SI: variants seen among roughly 807,000 people sequenced by gnomAD.
SI encodes the protein sucrase-isomaltase, intestinal.
A neutral mutation model predicts 253.3 loss-of-function variants in SI; 235 were observed. The ratio of observed to expected loss-of-function variants is 0.93; its 90% confidence interval spans 0.83 to 1.03. SI has a LOEUF of 1.03. Among genes scored for constraint, SI ranks in the 50% least tolerant of loss-of-function variants. The pLI, the probability that SI is intolerant of heterozygous loss-of-function variation, is 0.00. For synonymous variants in SI, 819 were observed against 712.0 expected (o/e 1.15, Z -2.39); for missense variants, 2,442 against 2,211.1 (o/e 1.10, Z -2.09).
At chr3:165,086,151 G>T in the SI span, among the ~76,000 whole-genome samples, 1 of 152,106 alleles carries the variant, frequency 6.6e-6, no homozygotes, top group African/African-American at 2.4e-5. Flanking sequence ...CTACTTGGGA[G>T]GCTGAGGCAG....
chr3:165,074,740 G>A, intron 2 of SI, 73 bp from the exon 3 acceptor site: 2 of 1,284,648 alleles, frequency 1.6e-6, no homozygotes, highest in Non-Finnish European at 2.2e-6. Context: ...CAAGTAATAA[G>A]TACTTTTTGA....
rs1318519933 is a variant in SI, at chr3:165,009,309, A to T, written c.4149T>A (p.Asn1383Lys). 6.2e-7 allele frequency: 1 copy of T among 1,611,866 alleles called. No homozygotes were observed. The highest frequency in any genetic ancestry group is 1.3e-5 in the African/African-American group (1 of 75,002). ...ACAAACCATCAAACTTCATCTTTTC[A>T]TTGTAAAAGTCCACAATTTCTCTGG... ...WWAREIVDFY[N>K]EKMKFDGLWI... The change falls in exon 35 of 48, where the codon AAT (asparagine) becomes AAA (lysine). Residue 1383 changes from asparagine to lysine, a missense_variant. Asn to Lys is a moderately conservative substitution (Grantham distance 94). Transcript: ENST00000264382.
At chr3:164,994,197 T>C in intron 41 of SI, 60 bp downstream of exon 41, 3 of 1,452,252 alleles carry the variant, frequency 2.1e-6, no homozygotes, top group Middle Eastern at 2.1e-4. Flanking sequence ...TAAGAGATCA[T>C]TGGGTAAATT....
At chr3:165,065,464 A>T (rs1298557467) in intron 6 of SI, 32 bp from the exon 7 acceptor site, 28 of 209,718 alleles carry the variant, frequency 1.3e-4, no homozygotes, top group Middle Eastern at 1.7e-3. Flanking sequence ...GAAATAATCT[A>T]ATATATATAT....
chr3:165,018,039 G>T lies in SI; in HGVS notation c.3451C>A (p.Pro1151Thr), dbSNP rs2108176264. Residue 1151 changes from proline (P) to threonine (T), a missense_variant, in exon 29 of 48, where the codon CCC becomes ACC. Pro to Thr is a conservative substitution (Grantham distance 38, BLOSUM62 -1). Transcript: ENST00000264382. Reference sequence around the variant, plus strand: ...TCCTCTTCCAGAGCCATGTAATAGGGATGAAATCCATAGGAATTAAGTTTG... The same window carrying T: ...TCCTCTTCCAGAGCCATGTAATAGGTATGAAATCCATAGGAATTAAGTTTG... ...GYKLNSYGFH[P>T]YYMALEEEGN... 1 of 1,608,804 alleles carries T rather than the reference G, an allele frequency of 6.2e-7. No individual in the cohort carries two copies. Among genetic ancestry groups the T allele is most frequent in the Non-Finnish European group, 8.5e-7 (1 of 1,175,490 alleles).
chr3:165,033,940 T>C (rs1459581809), intron 22 of SI, among the ~76,000 whole-genome samples: 2 of 151,518 alleles, frequency 1.3e-5, no homozygotes, highest in Non-Finnish European at 3.0e-5. Flanking sequence ...TTAAATAAAC[T>C]TTAATGAGGA....
rs191891638 is a variant in SI, at chr3:165,008,046, C to T, written c.4180-48G>A. 33 of 983,282 alleles carry T rather than the reference C, an allele frequency of 3.4e-5. No homozygotes were observed. In the East Asian group the frequency reaches 7.7e-4, roughly 23 times the overall value. The allele number at this position is 983,282 out of a possible 1,614,324, so 60.9% of individuals were successfully genotyped here. ...AGGTAAACAAAAGATAAATTTACAACATATATTCTCAAAAGAGCTAGTTCA... is the reference window on the plus strand; with the variant it reads ...AGGTAAACAAAAGATAAATTTACAATATATATTCTCAAAAGAGCTAGTTCA... On this transcript the variant is annotated intron_variant, in intron 35 of 47. Coordinates refer to ENST00000264382, the MANE Select transcript of SI (RefSeq NM_001041.4).
rs1344425198 is a variant in SI at position 165,038,165 on chromosome 3, GA to G, written c.2302-142del. On this transcript the variant is annotated intron_variant, in intron 20 of 47. Transcript: ENST00000264382. ...AATATATTGTTTTCTAACTTTAGGA[GA>G]ATTTTTTTTTTCAGTTTGCTGAACA... 4.3e-5 allele frequency: 31 copies of G among 713,798 alleles called. No individual in the cohort carries two copies. The African/African-American group carries it at 5.3e-4, about 12-fold the overall frequency. The allele number at this position is 713,798 out of a possible 1,614,324, so 44.2% of individuals were successfully genotyped here.
chr3:165,087,444 C>G, the SI span, among the ~76,000 whole-genome samples: 2 of 152,070 alleles, frequency 1.3e-5, no homozygotes, highest in Non-Finnish European at 2.9e-5. Context: ...TGACCTAAAG[C>G]CAAGGGTCAG....
chr3:165,037,171 T>C (rs1346335261), intron 21 of SI, among the ~76,000 whole-genome samples: 3 of 151,888 alleles, frequency 2.0e-5, no homozygotes, highest in Non-Finnish European at 4.4e-5. Context: ...AATTACTAAT[T>C]ACTAATGCGT....
chr3:164,999,042 C>A (rs1290332860), intron 37 of SI, among the ~76,000 whole-genome samples: 1 of 151,758 alleles, frequency 6.6e-6, no homozygotes, highest in Admixed American at 6.6e-5. Flanking sequence ...CTATTCATTG[C>A]CCCAACGCCT....
chr3:165,039,920 G>T lies in SI; in HGVS notation c.2211C>A (p.Gly737=). Residue 737 remains glycine, a synonymous_variant, in exon 19 of 48, where the codon GGC becomes GGA. Coordinates refer to ENST00000264382, the MANE Select transcript of SI (RefSeq NM_001041.4). ...SWIEDTEFLW[G]PALLITPVLK... ...GAACAGGAGTAATAAGTAATGCAGG[G>T]CCCCACAAAAACTCAGTGTCCTCAA... 6.2e-7 allele frequency: 1 copy of T among 1,613,014 alleles called. No individual in the cohort carries two copies. Among genetic ancestry groups the T allele is most frequent in the Non-Finnish European group, 8.5e-7 (1 of 1,179,254 alleles).
intron 45 of SI, among the ~76,000 whole-genome samples, chr3:164,983,724 G>A (rs1717307994): frequency 1.3e-5 from 2 of 151,956 alleles, no homozygotes; most frequent in African/African-American, 4.8e-5. Flanking sequence ...TGAGTGGCTG[G>A]AACTACAGGC....
intron 6 of SI, among the ~76,000 whole-genome samples, chr3:165,066,448 G>T (rs960500678): frequency 3.3e-5 from 5 of 151,686 alleles, no homozygotes; most frequent in Non-Finnish European, 7.4e-5. Flanking sequence ...CGCACATTTA[G>T]AATTTATAGT....
chr3:165,007,083 C>A, intron 36 of SI, 129 bp from the exon 37 acceptor site: 1 of 718,288 alleles, frequency 1.4e-6, no homozygotes, highest in South Asian at 1.9e-5. Context: ...TATATTTTAA[C>A]CATTTGTATA....
chr3:164,989,073 CT>C (rs1717575146), intron 44 of SI, among the ~76,000 whole-genome samples: 1 of 149,472 alleles, frequency 6.7e-6, no homozygotes, highest in African/African-American at 2.5e-5. Context: ...TACCCTAAAA[CT>C]TAAAGTATAA....
chr3:164,984,297 C>A (rs935819091), intron 45 of SI, among the ~76,000 whole-genome samples: 4 of 152,118 alleles, frequency 2.6e-5, no homozygotes, highest in Admixed American at 1.3e-4. Flanking sequence ...CATTAACCCA[C>A]TAAAATTAAT....
chr3:165,059,126 G>T (rs200873110), intron 11 of SI, 42 bp downstream of exon 11: 2 of 1,262,954 alleles, frequency 1.6e-6, no homozygotes, highest in African/African-American at 5.0e-5. Context: ...TAACTTACAC[G>T]TGTAAACACT....
rs1253015553 is a variant in SI at position 165,006,865 on chromosome 3, A to G, written c.4357T>C (p.Tyr1453His). The G allele has an allele frequency of 6.2e-7, 1 of 1,611,324 alleles. No individual in the cohort carries two copies. Among genetic ancestry groups the G allele is most frequent in the East Asian group, 2.2e-5 (1 of 44,700 alleles). ...CATCCATAGAGATTGTGAACATCGTAATGCAAAACTGATGTTCCATCACTA... is the reference window on the plus strand; with the variant it reads ...CATCCATAGAGATTGTGAACATCGTGATGCAAAACTGATGTTCCATCACTA... Reference protein sequence around the residue: ...ILSDGTSVLHYDVHNLYGWSQ... With the variant: ...ILSDGTSVLHHDVHNLYGWSQ... Residue 1453 changes from tyrosine (Y) to histidine (H), a missense_variant, in exon 37 of 48, where the codon TAC becomes CAC. Physicochemically the swap from Tyr to His is moderately conservative, Grantham distance 83 (BLOSUM62 2). Coordinates refer to ENST00000264382, the MANE Select transcript of SI (RefSeq NM_001041.4).
Sources: allele counts gnomAD v4.1 joint callset (sites outside exome capture counted in the v4.1 genomes callset), GRCh38; gene constraint gnomAD v4.1.1; transcripts MANE v1.5; gene names NCBI Gene and HGNC (gene_info 2026-07-23, HGNC 2026-07-21).